DNAH12: variants seen among roughly 807,000 people sequenced by gnomAD.
The protein encoded by DNAH12 is dynein axonemal heavy chain 12, also known as axonemal beta dynein heavy chain 12.
DNAH12 carries 285 observed loss-of-function variants against 371.5 expected under a neutral mutation model. The ratio of observed to expected loss-of-function variants is 0.77; its 90% CI spans 0.70 to 0.85. DNAH12 has a LOEUF of 0.85. Ranked by LOEUF, DNAH12 falls within the 40% of genes least tolerant of loss-of-function variation. The pLI is 0.00. For synonymous variants in DNAH12, 1,200 were observed against 1,213.0 expected (o/e 0.99, Z 0.22); for missense variants, 3,611 against 3,689.4 (o/e 0.98, Z 0.55).
At chr3:57,424,575 A>AGACCAGCCTGGCCAAGATGGT in intron 35 of DNAH12, among the ~76,000 whole-genome samples, 1 of 152,072 alleles carries the variant, frequency 6.6e-6, no homozygotes, top group South Asian at 2.1e-4. Context: ...CAGGAGTTCA[A>AGACCAGCCTGGCCAAGATGGT]GACCAGCCTG....
At chr3:57,407,281 GA>G (rs35245549) in intron 40 of DNAH12, among the ~76,000 whole-genome samples, 40,559 of 133,434 alleles carry the variant, frequency 0.3, 7,062 homozygotes, top group Non-Finnish European at 0.41. Context: ...TTCAAAGACA[GA>G]AAAAAAAAAA....
intron 38 of DNAH12, 116 bp downstream of exon 38, chr3:57,415,310 T>C: frequency 7.4e-7 from 1 of 1,358,748 alleles, no homozygotes; most frequent in East Asian, 2.8e-5. Flanking sequence ...CCCAAACATT[T>C]GAAAGTTTTA....
chr3:57,334,265 T>C (rs558593981), intron 62 of DNAH12, among the ~76,000 whole-genome samples, 200 bp downstream of exon 62: 57 of 152,172 alleles, frequency 3.7e-4, no homozygotes, highest in Non-Finnish European at 5.0e-4. Context: ...GGTGAAATAA[T>C]ATTTGAAGAA....
intron 4 of DNAH12, among the ~76,000 whole-genome samples, chr3:57,516,620 A>G (rs1259198241): frequency 6.6e-6 from 1 of 152,168 alleles, no homozygotes; most frequent in Non-Finnish European, 1.5e-5. Context: ...CATCCAAAAT[A>G]TGTCCTGAAT....
At chr3:57,435,516 T>G (rs754228907) in intron 30 of DNAH12, among the ~76,000 whole-genome samples, 7 of 152,134 alleles carry the variant, frequency 4.6e-5, no homozygotes, top group Non-Finnish European at 8.8e-5. Flanking sequence ...TTAAAAGGTA[T>G]GGCTTATTAA....
chr3:57,510,057 C>G (rs184103417), intron 5 of DNAH12, among the ~76,000 whole-genome samples: 2 of 151,462 alleles, frequency 1.3e-5, no homozygotes, highest in Non-Finnish European at 2.9e-5. Context: ...TATTTCAAAA[C>G]GTATTGTACA....
chr3:57,540,330 T>G (rs1450188011), intron 2 of DNAH12, among the ~76,000 whole-genome samples: 2 of 152,014 alleles, frequency 1.3e-5, no homozygotes, highest in Non-Finnish European at 2.9e-5. Context: ...GGATTACAGG[T>G]GTAAGCCACC....
At chr3:57,322,100 A>G (rs920111235) in intron 65 of DNAH12, among the ~76,000 whole-genome samples, 7 of 152,340 alleles carry the variant, frequency 4.6e-5, no homozygotes, top group East Asian at 1.9e-4. Flanking sequence ...TTTGGCTTAC[A>G]AACTAAGATT....
intron 34 of DNAH12, among the ~76,000 whole-genome samples, chr3:57,426,904 G>T (rs2153364178): frequency 6.6e-6 from 1 of 151,804 alleles, no homozygotes; most frequent in Middle Eastern, 3.4e-3. Context: ...TCATTATGTG[G>T]AAAGGTGAAG....
rs548537495 is a variant in DNAH12 at position 57,332,572 on chromosome 3, C to A, written c.9978+1893G>T. On this transcript the variant is annotated intron_variant, in intron 62 of 73. Coordinates refer to ENST00000495027, the MANE Select transcript of DNAH12 (RefSeq NM_001366028.2). ...TGTGGAACAGCGAGAGTGATTAAGG[C>A]AGAGCAATGCAGTGTCACTGAGTTG... Among the ~76,000 whole-genome samples the A allele has an allele frequency of 9.4e-4, 143 of 152,148 alleles. 1 individual carries two copies. The highest frequency in any genetic ancestry group is 2.6e-4 in the Non-Finnish European group (18 of 68,040).
At chr3:57,454,277 T>C (rs2065840504) in intron 23 of DNAH12, among the ~76,000 whole-genome samples, 1 of 152,072 alleles carries the variant, frequency 6.6e-6, no homozygotes, top group East Asian at 1.9e-4. Flanking sequence ...GGTCAGGTGT[T>C]CAAGACCAGC....
intron 2 of DNAH12, among the ~76,000 whole-genome samples, chr3:57,539,613 TC>T (rs2069187138): frequency 8.3e-6 from 1 of 119,946 alleles, no homozygotes; most frequent in Non-Finnish European, 1.7e-5. Flanking sequence ...TCTTTCCTTT[TC>T]CTTTTTTTTT....
chr3:57,466,976 A>T (rs1444338985), intron 17 of DNAH12, among the ~76,000 whole-genome samples: 1 of 151,918 alleles, frequency 6.6e-6, no homozygotes, highest in African/African-American at 2.4e-5. Flanking sequence ...GCTGGTCTTG[A>T]ACTTCTGGCC....
intron 55 of DNAH12, among the ~76,000 whole-genome samples, chr3:57,374,250 GATA>G (rs1420148536): frequency 2.0e-5 from 3 of 152,166 alleles, no homozygotes; most frequent in Non-Finnish European, 4.4e-5. Flanking sequence ...TATAAAATGG[GATA>G]ATAATAATAC....
At chr3:57,554,546 C>G in the DNAH12 span, among the ~76,000 whole-genome samples, 1 of 152,148 alleles carries the variant, frequency 6.6e-6, no homozygotes, top group African/African-American at 2.4e-5. Flanking sequence ...CTCCCCTGGT[C>G]TCACCTTACT....
At chr3:57,314,768 CCTAT>C in intron 65 of DNAH12, 137 bp from the exon 66 acceptor site, 1 of 927,196 alleles carries the variant, frequency 1.1e-6, no homozygotes, top group Non-Finnish European at 1.6e-6. Context: ...TTAAAAAAAT[CCTAT>C]CTAAAATAAT....
chr3:57,404,264 G>A lies in DNAH12; in HGVS notation c.6755+705C>T, dbSNP rs1030247697. On this transcript the variant is annotated intron_variant, in intron 42 of 73. Coordinates refer to ENST00000495027, the MANE Select transcript of DNAH12 (RefSeq NM_001366028.2). Reference sequence around the variant, plus strand: ...TTATATAATAGAATGCAATATAGTGGTAAATATTCATTTTTCTGTGACTCT... The same window carrying A: ...TTATATAATAGAATGCAATATAGTGATAAATATTCATTTTTCTGTGACTCT... Among the ~76,000 whole-genome samples the A allele has an allele frequency of 2.6e-5, 4 of 152,210 alleles. 1 individual carries two copies. The East Asian group carries it at 7.7e-4, about 29-fold the overall frequency.
Position 57,453,335 on chromosome 3 carries a change from C to T in DNAH12, c.3525G>A (p.Lys1175=). 1 of 1,551,318 alleles carries T rather than the reference C, an allele frequency of 6.4e-7. No homozygotes were observed. Among genetic ancestry groups the T allele is most frequent in the Non-Finnish European group, 8.7e-7 (1 of 1,146,822 alleles). ...LNEIVELVRG[K]LSKQTRTTLG... ...GAGTGGTCCTGGTCTGCTTAGACAA[C>T]TTTCCTCTTACCAGCTCTACAATCT... Residue 1175 remains lysine, a synonymous_variant, in exon 24 of 74, where the codon AAG becomes AAA. Transcript: ENST00000495027.
intron 2 of DNAH12, among the ~76,000 whole-genome samples, chr3:57,533,948 C>T (rs1559759325): frequency 6.6e-6 from 1 of 152,186 alleles, no homozygotes; most frequent in Non-Finnish European, 1.5e-5. Context: ...AGTTGCAGTC[C>T]TTGTGGCCTA....
Sources: allele counts gnomAD v4.1 joint callset (sites outside exome capture counted in the v4.1 genomes callset), GRCh38; gene constraint gnomAD v4.1.1; transcripts MANE v1.5; gene names NCBI Gene and HGNC (gene_info 2026-07-23, HGNC 2026-07-21).